The following ERP27 variants were observed in gnomAD, a reference collection of about 807,000 sequenced individuals.
ERP27 encodes the protein endoplasmic reticulum protein 27, also known as endoplasmic reticulum resident protein 27.
Under a neutral mutation model 27.7 loss-of-function variants are expected in ERP27, and 23 were observed. The observed-to-expected ratio is 0.83, with a 90% CI of 0.60 to 1.18. The LOEUF (loss-of-function observed/expected upper bound fraction) is 1.18. Among genes scored for constraint, ERP27 ranks in the 50% most tolerant of loss-of-function variants. The pLI, the probability that ERP27 is intolerant of heterozygous loss-of-function variation, is 0.00. For missense variants in ERP27, 363 were observed against 327.9 expected, an observed-to-expected ratio of 1.11 and a Z score of -0.83; for synonymous variants, 159 against 118.3, an observed-to-expected ratio of 1.34 and a Z score of -2.23.
At chr12:14,925,174 T>C (rs1187022640) in intron 3 of ERP27, among the ~76,000 whole-genome samples, 1 of 152,226 alleles carries the variant, frequency 6.6e-6, no homozygotes, top group Non-Finnish European at 1.5e-5. Flanking sequence ...CCCTGAATTC[T>C]TTCTTTCGCA....
chr12:14,924,647 A>T (rs1863569308), intron 3 of ERP27, among the ~76,000 whole-genome samples: 2 of 152,114 alleles, frequency 1.3e-5, no homozygotes, highest in Non-Finnish European at 2.9e-5. Flanking sequence ...CCCTGACTTG[A>T]CCTATGTGCT....
chr12:14,929,622 GT>G (rs1863667201), intron 3 of ERP27, among the ~76,000 whole-genome samples: 1 of 152,120 alleles, frequency 6.6e-6, no homozygotes, highest in Non-Finnish European at 1.5e-5. Context: ...AACAGAAATA[GT>G]AAACTGGAAA....
chr12:14,935,044 G>A (rs1466566645), intron 2 of ERP27, 51 bp from the exon 3 acceptor site: 2 of 1,584,632 alleles, frequency 1.3e-6, no homozygotes, highest in South Asian at 1.1e-5. Flanking sequence ...GAAGGGCAGA[G>A]ACAAACGATA....
chr12:14,925,303 A>G (rs1863583782), intron 3 of ERP27, among the ~76,000 whole-genome samples: 1 of 152,222 alleles, frequency 6.6e-6, no homozygotes, highest in South Asian at 2.1e-4. Flanking sequence ...AACTTTGGGT[A>G]AGTGATGGGG....
Position 14,920,988 on chromosome 12 carries a change from A to G in ERP27, c.394T>C (p.Leu132=). 1 of 1,614,104 alleles carries G rather than the reference A, an allele frequency of 6.2e-7. No individual in the cohort carries two copies. Among genetic ancestry groups the G allele is most frequent in the Non-Finnish European group, 8.5e-7 (1 of 1,179,988 alleles). ...CTGTTGATCTCAATGAAACGGCTCA[A>G]TTTGGTGGCATCAATGCTTTCAATG... is the stretch of plus-strand genomic sequence containing the variant. ...EDIESIDATK[L]SRFIEINSLH... The change falls in exon 4 of 7, where the codon TTG becomes CTG. Residue 132 remains leucine, a synonymous_variant. Transcript: ENST00000266397.
intron 4 of ERP27, among the ~76,000 whole-genome samples, chr12:14,920,578 C>A (rs891157800): frequency 1.3e-5 from 2 of 152,112 alleles, no homozygotes; most frequent in Non-Finnish European, 2.9e-5. Flanking sequence ...CGCTATGTTG[C>A]CCAGGCTGGT....
chr12:14,926,937 T>C (rs1345541881), intron 3 of ERP27, among the ~76,000 whole-genome samples: 1 of 152,214 alleles, frequency 6.6e-6, no homozygotes, highest in African/African-American at 2.4e-5. Flanking sequence ...TTTACTATTT[T>C]CCTTAGTATG....
At chr12:14,924,418 T>C (rs1863565289) in intron 3 of ERP27, among the ~76,000 whole-genome samples, 1 of 152,202 alleles carries the variant, frequency 6.6e-6, no homozygotes, top group Admixed American at 6.5e-5. Context: ...CTGGTTCATA[T>C]GGTAGTTCTA....
rs199978046 is a variant in ERP27, at chr12:14,921,019, G to A, written c.363C>T (p.Asp121=). The change falls in exon 4 of 7, where the codon GAC becomes GAT. Residue 121 remains aspartate, a synonymous_variant. Coordinates refer to ENST00000266397, the MANE Select transcript of ERP27 (RefSeq NM_152321.4). ...TGGCATCAATGCTTTCAATGTCTTC[G>A]TCCTCTAAATTCAGTTGTTCATTGT... is the stretch of plus-strand genomic sequence containing the variant. ...LVDNEQLNLE[D]EDIESIDATK... is the part of the protein sequence containing the mutation. The A allele has an allele frequency of 1.2e-4, 187 of 1,613,980 alleles. 1 individual carries two copies. Among genetic ancestry groups the A allele is most frequent in the East Asian group, 7.1e-4 (32 of 44,882 alleles).
At chr12:14,934,058 G>A (rs1194251654) in intron 3 of ERP27, among the ~76,000 whole-genome samples, 1 of 152,132 alleles carries the variant, frequency 6.6e-6, no homozygotes, top group Non-Finnish European at 1.5e-5. Context: ...TCATTAAAGT[G>A]GTATTCTACT....
intron 4 of ERP27, among the ~76,000 whole-genome samples, chr12:14,918,906 C>T (rs1179688294): frequency 1.3e-5 from 2 of 152,168 alleles, no homozygotes; most frequent in African/African-American, 2.4e-5. Flanking sequence ...CATTCATTCA[C>T]TATTCTAACA....
chr12:14,932,235 AT>A (rs1863707935), intron 3 of ERP27, among the ~76,000 whole-genome samples: 1 of 152,218 alleles, frequency 6.6e-6, no homozygotes, highest in Admixed American at 6.5e-5. Context: ...AATATATGAT[AT>A]GAATTATAAA....
chr12:14,931,045 C>G (rs536979250), intron 3 of ERP27, among the ~76,000 whole-genome samples: 30 of 152,200 alleles, frequency 2.0e-4, no homozygotes, highest in African/African-American at 7.2e-4. Context: ...AAGAAAGCCA[C>G]TATAATATAG....
At chr12:14,925,039 A>C (rs1233514286) in intron 3 of ERP27, among the ~76,000 whole-genome samples, 2 of 152,262 alleles carry the variant, frequency 1.3e-5, no homozygotes, top group African/African-American at 4.8e-5. Flanking sequence ...TAGTGCATAT[A>C]ATCAAGAAAT....
At position 14,921,944 on chromosome 12, in the gene ERP27, A is replaced by T. The variant is rs544771408; in HGVS notation, c.334-896T>A. Among the ~76,000 whole-genome samples the T allele has an allele frequency of 2.6e-3, 399 of 152,322 alleles. 1 individual carries two copies. The highest frequency in any genetic ancestry group is 6.8e-3 in the Middle Eastern group (2 of 294). On this transcript the variant is annotated intron_variant, in intron 3 of 6. Transcript: ENST00000266397. ...CATGTAAACAAACTTCTTTGGCTTA[A>T]CATTTTGATTATAAGTCATTTATGT... is the stretch of plus-strand genomic sequence containing the variant.
intron 3 of ERP27, among the ~76,000 whole-genome samples, chr12:14,932,167 C>G (rs1289207383): frequency 6.6e-6 from 1 of 152,072 alleles, no homozygotes; most frequent in Non-Finnish European, 1.5e-5. Flanking sequence ...AATAAGTCAT[C>G]GTTTCCAGCC....
chr12:14,931,545 T>A (rs1177707940), intron 3 of ERP27, among the ~76,000 whole-genome samples: 1 of 152,174 alleles, frequency 6.6e-6, no homozygotes, highest in Non-Finnish European at 1.5e-5. Context: ...TGTTTTCTGG[T>A]ATGGCACATA....
At chr12:14,938,129 T>G (rs1188432859) in intron 1 of ERP27, 77 bp from the exon 2 acceptor site, 1 of 1,192,664 alleles carries the variant, frequency 8.4e-7, no homozygotes, top group Non-Finnish European at 1.2e-6. Context: ...ATCTATACCT[T>G]TTATCTCTAT....
At chr12:14,930,545 T>C (rs753003296) in intron 3 of ERP27, among the ~76,000 whole-genome samples, 2 of 152,210 alleles carry the variant, frequency 1.3e-5, no homozygotes, top group Admixed American at 6.5e-5. Flanking sequence ...AAGAGTCCTG[T>C]TGAAAAATTT....
Sources: gnomAD v4.1 joint callset for allele counts (sites outside exome capture counted in the v4.1 genomes callset) on GRCh38, gnomAD v4.1.1 for gene constraint, MANE v1.5 for transcripts, NCBI Gene and HGNC (gene_info 2026-07-23, HGNC 2026-07-21) for gene names.